The following COG7 variants were observed in gnomAD, a reference collection of about 807,000 sequenced individuals.
COG7 encodes the protein component of oligomeric golgi complex 7, also known as conserved oligomeric Golgi complex subunit 7.
A neutral mutation model predicts 91.5 loss-of-function variants in COG7; 49 were observed. The ratio of observed to expected loss-of-function variants is 0.54; its 90% CI spans 0.43 to 0.68. The LOEUF (loss-of-function observed/expected upper bound fraction) is 0.68. Ranked by LOEUF, COG7 falls within the 30% of genes least tolerant of loss-of-function variation. The probability of loss-of-function intolerance (pLI) is 0.00; values close to 1 mark genes in which losing one functional copy is unlikely to be tolerated. For missense variants in COG7, 895 were observed against 961.3 expected (o/e 0.93, Z 0.91); for synonymous variants, 365 against 388.7 (o/e 0.94, Z 0.72).
intron 14 of COG7, among the ~76,000 whole-genome samples, chr16:23,397,602 T>C (rs1470547944): frequency 6.6e-6 from 1 of 152,238 alleles, no homozygotes; most frequent in African/African-American, 2.4e-5. Context: ...GATTTGTTTG[T>C]TGCTATGAAG....
At chr16:23,442,809 G>A (rs981402412) in intron 3 of COG7, among the ~76,000 whole-genome samples, 164 bp from the exon 4 acceptor site, 3 of 152,096 alleles carry the variant, frequency 2.0e-5, no homozygotes, top group African/African-American at 7.2e-5. Flanking sequence ...ATTGAGGCAG[G>A]AGGATCCCTT....
intron 16 of COG7, 71 bp from the exon 17 acceptor site, chr16:23,389,157 C>T (rs866181282): frequency 2.0e-5 from 32 of 1,563,128 alleles, no homozygotes; most frequent in South Asian, 1.8e-4. Flanking sequence ...CCCCACAGGG[C>T]CTCCCCTGAA....
intron 7 of COG7, among the ~76,000 whole-genome samples, chr16:23,423,428 T>A (rs1596936971): frequency 6.6e-6 from 1 of 152,108 alleles, no homozygotes; most frequent in Non-Finnish European, 1.5e-5. Flanking sequence ...ACTACATCCA[T>A]CCCCAGGGGA....
In COG7 at chr16:23,452,878, G is replaced by C. The variant is rs768806926; in HGVS notation, c.117C>G (p.Thr39=). Residue 39 remains threonine, a synonymous_variant, in exon 1 of 17, where the codon ACC becomes ACG. Coordinates refer to ENST00000307149, the MANE Select transcript of COG7 (RefSeq NM_153603.4). The part of the protein sequence containing the change: ...ASGKADGHAA[T]LVMKLQLFIQ... ...TGAACAGCTGCAGCTTCATCACCAG[G>C]GTGGCTGCGTGGCCATCCGCCTTCC... is the stretch of plus-strand genomic sequence containing the variant. The C allele has an allele frequency of 1.2e-6, 2 of 1,613,960 alleles. No homozygotes were observed. Among genetic ancestry groups the C allele is most frequent in the Non-Finnish European group, 8.5e-7 (1 of 1,179,994 alleles).
At chr16:23,441,549 TG>T (rs1243721994) in intron 4 of COG7, among the ~76,000 whole-genome samples, 1 of 152,132 alleles carries the variant, frequency 6.6e-6, no homozygotes, top group African/African-American at 2.4e-5. Flanking sequence ...CACGCCAGCA[TG>T]GGGAACACAG....
intron 7 of COG7, among the ~76,000 whole-genome samples, chr16:23,422,113 C>A (rs372620095): frequency 1.3e-5 from 2 of 152,008 alleles, no homozygotes; most frequent in Non-Finnish European, 2.9e-5. Flanking sequence ...AGTTTGAGAT[C>A]AGCCTGAGCA....
intron 7 of COG7, among the ~76,000 whole-genome samples, chr16:23,423,793 G>A (rs955838643): frequency 1.3e-5 from 2 of 152,212 alleles, no homozygotes; most frequent in African/African-American, 2.4e-5. Flanking sequence ...AGCAACATGC[G>A]TCACGGGGTC....
At chr16:23,391,603 A>G (rs564017725) in intron 16 of COG7, among the ~76,000 whole-genome samples, 1 of 152,366 alleles carries the variant, frequency 6.6e-6, no homozygotes, top group East Asian at 1.9e-4. Flanking sequence ...GTGGTCACTG[A>G]GGACGAAGCT....
Position 23,388,889 on chromosome 16 carries a change from G to C in COG7, c.*31C>G. ...TGGTGAGTCGCGAAACAGCAGCCCT[G>C]GCTCTCTTGGTGGTCCGGTGTGTGG... On this transcript the variant is annotated 3_prime_UTR_variant, in exon 17 of 17. Coordinates refer to ENST00000307149, the MANE Select transcript of COG7 (RefSeq NM_153603.4). 1 of 1,613,790 alleles carries C rather than the reference G, an allele frequency of 6.2e-7. No individual in the cohort carries two copies. Among genetic ancestry groups the C allele is most frequent in the Non-Finnish European group, 8.5e-7 (1 of 1,179,894 alleles).
At chr16:23,450,915 C>A (rs183507023) in intron 1 of COG7, among the ~76,000 whole-genome samples, 1 of 150,928 alleles carries the variant, frequency 6.6e-6, no homozygotes, top group Non-Finnish European at 1.5e-5. Context: ...CACATCTGGC[C>A]GGGCACAGTG....
rs563917614 is a variant in COG7 at position 23,437,528 on chromosome 16, AAG to A, written c.605-2812_605-2811del. Among the ~76,000 whole-genome samples, 26 of 152,312 alleles carry A rather than the reference AAG, an allele frequency of 1.7e-4. No individual in the cohort carries two copies. In the Middle Eastern group the frequency reaches 0.014, roughly 80 times the overall value. ...CAAAATAAAGAATTAACAAATGAGG[AAG>A]AGAGGGAATTACAGGGCTGGAGATG... On this transcript the variant is annotated intron_variant, in intron 4 of 16. Coordinates refer to ENST00000307149, the MANE Select transcript of COG7 (RefSeq NM_153603.4).
rs142254455 is a variant in COG7, at chr16:23,405,467, T to C, written c.1662+609A>G. On this transcript the variant is annotated intron_variant, in intron 12 of 16. Transcript: ENST00000307149. ...CTGACAAGTTTCATTCTGGAGTGAA[T>C]TACAGCAAGTCCCCCTAGCCGCAGA... Among the ~76,000 whole-genome samples the C allele has an allele frequency of 3.3e-5, 5 of 151,984 alleles. No individual in the cohort carries two copies. In the East Asian group the frequency reaches 9.7e-4, roughly 29 times the overall value.
At chr16:23,395,194 A>G (rs1963267003) in intron 14 of COG7, among the ~76,000 whole-genome samples, 1 of 152,186 alleles carries the variant, frequency 6.6e-6, no homozygotes, top group Non-Finnish European at 1.5e-5. Context: ...CACCCAAAGT[A>G]AGCAAGTGGC....
intron 14 of COG7, 57 bp from the exon 15 acceptor site, chr16:23,393,404 A>G (rs1963233040): frequency 7.4e-7 from 1 of 1,358,690 alleles, no homozygotes. Flanking sequence ...TTATTACTTT[A>G]TGGGTACATT....
At chr16:23,419,368 A>G (rs1295403775) in intron 7 of COG7, among the ~76,000 whole-genome samples, 2 of 146,628 alleles carry the variant, frequency 1.4e-5, no homozygotes, top group Admixed American at 6.9e-5. Context: ...CTGAGATCAC[A>G]CCATTGCATT....
chr16:23,428,601 T>G (rs1963885442), intron 6 of COG7, among the ~76,000 whole-genome samples: 1 of 151,856 alleles, frequency 6.6e-6, no homozygotes, highest in Non-Finnish European at 1.5e-5. Flanking sequence ...AACACCTAAT[T>G]TTGGCAAGGA....
rs28811928 is a variant in COG7 at position 23,429,398 on chromosome 16, C to A, written c.810+4147G>T. ...CATGTGTCTACAAAAAAAAAACCTA[C>A]AGAACAATATTCAAAGCACCTTTAT... On this transcript the variant is annotated intron_variant, in intron 6 of 16. Transcript: ENST00000307149. Among the ~76,000 whole-genome samples the A allele has an allele frequency of 3.6e-3, 553 of 151,972 alleles. 2 individuals are homozygous for A. Among genetic ancestry groups the A allele is most frequent in the African/African-American group, 0.013 (518 of 41,440 alleles).
At chr16:23,416,601 G>A (rs1963658274) in intron 9 of COG7, 1 of 322,550 alleles carries the variant, frequency 3.1e-6, no homozygotes, top group Non-Finnish European at 6.0e-6. Flanking sequence ...CCAAAGTACT[G>A]GGATTACAGG....
chr16:23,411,683 G>T (rs1052261077), intron 10 of COG7, among the ~76,000 whole-genome samples: 1 of 152,132 alleles, frequency 6.6e-6, no homozygotes. Context: ...GGTCCTGAGT[G>T]GTCCTGGATC....
Sources: gnomAD v4.1 joint callset for allele counts (sites outside exome capture counted in the v4.1 genomes callset) on GRCh38, gnomAD v4.1.1 for gene constraint, MANE v1.5 for transcripts, NCBI Gene and HGNC (gene_info 2026-07-23, HGNC 2026-07-21) for gene names.